The following DPP10 variants were observed in gnomAD, a reference collection of about 807,000 sequenced individuals.
DPP10 encodes the protein dipeptidyl peptidase like 10.
A neutral mutation model predicts 120.9 loss-of-function variants in DPP10; 33 were observed. That is an observed-to-expected ratio of 0.27 (90% CI 0.21 to 0.37). The LOEUF (loss-of-function observed/expected upper bound fraction) is 0.37. Among genes scored for constraint, DPP10 ranks in the 10% least tolerant of loss-of-function variants. The pLI is 1.00. For missense variants in DPP10, 816 were observed against 942.8 expected, an observed-to-expected ratio of 0.87 and a Z score of 1.76; for synonymous variants, 337 against 326.1, an observed-to-expected ratio of 1.03 and a Z score of -0.36.
intron 2 of DPP10, among the ~76,000 whole-genome samples, chr2:115,312,973 C>A (rs531356676): frequency 6.6e-6 from 1 of 152,248 alleles, no homozygotes; most frequent in South Asian, 2.1e-4. Flanking sequence ...CCTATAATCC[C>A]AGCACTTTGG....
At chr2:115,238,486 T>G (rs963733274) in intron 1 of DPP10, among the ~76,000 whole-genome samples, 2 of 152,208 alleles carry the variant, frequency 1.3e-5, no homozygotes, top group Non-Finnish European at 2.9e-5. Context: ...ATTTTGTATT[T>G]CAAATCTTAT....
chr2:115,089,747 A>G (rs149859970), intron 1 of DPP10, among the ~76,000 whole-genome samples: 21 of 152,312 alleles, frequency 1.4e-4, no homozygotes, highest in African/African-American at 4.8e-4. Flanking sequence ...TCACCAGTGT[A>G]GTGTATGAAA....
rs114346529 is a variant in DPP10 at position 114,920,309 on chromosome 2, G to C, written c.61-388930G>C. The stretch of plus-strand genomic sequence containing the variant: ...CTGCTAACCAGAACACATGTTCTAA[G>C]GAAGAATGTATAAGGCTGATTCTCT... On this transcript the variant is annotated intron_variant, in intron 1 of 25. Coordinates refer to ENST00000410059, the MANE Select transcript of DPP10 (RefSeq NM_020868.6). Among the ~76,000 whole-genome samples the C allele has an allele frequency of 3.5e-3, 538 of 152,312 alleles. 1 individual carries two copies. The highest frequency in any genetic ancestry group is 0.01 in the Middle Eastern group (3 of 294).
At position 114,792,223 on chromosome 2, in the gene DPP10, G is replaced by T. The variant is rs542741381; in HGVS notation, c.60+349385G>T. Among the ~76,000 whole-genome samples the T allele has an allele frequency of 3.3e-5, 5 of 152,218 alleles. No homozygotes were observed. In the South Asian group the frequency reaches 6.2e-4, roughly 19 times the overall value. On this transcript the variant is annotated intron_variant, in intron 1 of 25. Coordinates refer to ENST00000410059, the MANE Select transcript of DPP10 (RefSeq NM_020868.6). ...TAGTGCATCGGTGTGGGAATATAAC[G>T]CATGGAGCACCATTTGAACTTGATG...
At chr2:115,188,060 A>AG (rs1491136809) in intron 1 of DPP10, among the ~76,000 whole-genome samples, 9 of 133,896 alleles carry the variant, frequency 6.7e-5, no homozygotes, top group Non-Finnish European at 1.4e-4. Flanking sequence ...AGAGAGAGGC[A>AG]AAGAGAGAGA....
intron 1 of DPP10, chr2:115,144,481 G>A (rs1457650548): frequency 6.6e-6 from 1 of 151,962 alleles, no homozygotes; most frequent in African/African-American, 2.4e-5. Context: ...AGAAGCATCT[G>A]CTTGGAATCT....
chr2:114,523,830 C>T (rs1427546419), intron 1 of DPP10, among the ~76,000 whole-genome samples: 4 of 152,266 alleles, frequency 2.6e-5, no homozygotes, highest in Non-Finnish European at 4.4e-5. Context: ...TCATCCCATC[C>T]CCCTTTTCTC....
chr2:115,375,924 A>G (rs1423680417), intron 3 of DPP10, among the ~76,000 whole-genome samples: 1 of 152,234 alleles, frequency 6.6e-6, no homozygotes, highest in Non-Finnish European at 1.5e-5. Flanking sequence ...GGGGATTACA[A>G]TTTGACATGA....
intron 5 of DPP10, among the ~76,000 whole-genome samples, chr2:115,622,189 A>C (rs10195409): frequency 0.25 from 38,227 of 151,886 alleles, 5,153 homozygotes; most frequent in East Asian, 0.39. Context: ...TCCACCCCTC[A>C]TGCAGCCCCC....
chr2:115,018,689 C>T (rs1702848033), intron 1 of DPP10, among the ~76,000 whole-genome samples: 1 of 151,972 alleles, frequency 6.6e-6, no homozygotes, highest in African/African-American at 2.4e-5. Context: ...GGGAGAGGAA[C>T]ATCACACACT....
chr2:115,832,966 T>C (rs750485258), intron 21 of DPP10, among the ~76,000 whole-genome samples: 14 of 152,258 alleles, frequency 9.2e-5, no homozygotes, highest in Admixed American at 2.0e-4. Flanking sequence ...AAATGCACAA[T>C]CTTAGGTCCC....
intron 17 of DPP10, among the ~76,000 whole-genome samples, chr2:115,784,952 T>C (rs971690292): frequency 6.6e-6 from 1 of 152,170 alleles, no homozygotes; most frequent in Non-Finnish European, 1.5e-5. Flanking sequence ...AAATAACAAA[T>C]AATGGGAGTT....
chr2:114,917,495 T>C (rs1694890678), intron 1 of DPP10, among the ~76,000 whole-genome samples: 1 of 151,978 alleles, frequency 6.6e-6, no homozygotes, highest in Admixed American at 6.6e-5. Flanking sequence ...AAAAGGAGCC[T>C]GAATAGCCAA....
chr2:115,408,607 A>G (rs2068705639), intron 3 of DPP10, among the ~76,000 whole-genome samples: 5 of 152,218 alleles, frequency 3.3e-5, no homozygotes, highest in Admixed American at 3.3e-4. Context: ...AAGGACTGAA[A>G]TCATATAAAG....
At position 115,410,912 on chromosome 2, in the gene DPP10, C is replaced by G. The variant is rs527669637; in HGVS notation, c.271+67000C>G. ...ATTGATATTTTGATATAAAATTAGA[C>G]TAATTTGTCTTTCATTTTTTAATGT... On this transcript the variant is annotated intron_variant, in intron 3 of 25. Coordinates refer to ENST00000410059, the MANE Select transcript of DPP10 (RefSeq NM_020868.6). 3.3e-4 allele frequency among the ~76,000 whole-genome samples: 50 copies of G among 152,174 alleles called. 1 individual carries two copies. The South Asian group carries it at 0.01, about 32-fold the overall frequency.
At chr2:115,737,174 A>C (rs893317496) in intron 8 of DPP10, among the ~76,000 whole-genome samples, 2 of 152,152 alleles carry the variant, frequency 1.3e-5, no homozygotes, top group Non-Finnish European at 2.9e-5. Context: ...TCCCTTGCCA[A>C]CTTGTGTTAG....
chr2:115,321,192 T>C (rs910056439), intron 2 of DPP10, among the ~76,000 whole-genome samples: 1 of 152,066 alleles, frequency 6.6e-6, no homozygotes, highest in African/African-American at 2.4e-5. Flanking sequence ...TCCCCGCTCC[T>C]TGGGAGCCTG....
intron 1 of DPP10, among the ~76,000 whole-genome samples, chr2:114,548,152 C>T (rs1260808038): frequency 6.6e-6 from 1 of 152,120 alleles, no homozygotes; most frequent in South Asian, 2.1e-4. Flanking sequence ...ATAAGTAAAA[C>T]CCTTTATAAC....
chr2:115,789,714 T>A (rs2149904368), intron 17 of DPP10, among the ~76,000 whole-genome samples: 1 of 152,294 alleles, frequency 6.6e-6, no homozygotes, highest in Middle Eastern at 3.4e-3. Flanking sequence ...AAACAAAAAA[T>A]TGTGGAATAT....
Sources: gnomAD v4.1 joint callset for allele counts (sites outside exome capture counted in the v4.1 genomes callset) on GRCh38, gnomAD v4.1.1 for gene constraint, MANE v1.5 for transcripts, NCBI Gene and HGNC (gene_info 2026-07-23, HGNC 2026-07-21) for gene names.